TRIM23: variants seen among roughly 807,000 people sequenced by gnomAD.
TRIM23 encodes E3 ubiquitin-protein ligase TRIM23.
Under a neutral mutation model 71.0 loss-of-function variants are expected in TRIM23, and 27 were observed. The ratio of observed to expected loss-of-function variants is 0.38; its 90% CI spans 0.28 to 0.52. The LOEUF is 0.52. Ranked by LOEUF, TRIM23 falls within the 20% of genes least tolerant of loss-of-function variation. The pLI is 0.84. For synonymous variants in TRIM23, 234 were observed against 238.0 expected (o/e 0.98, Z 0.16); for missense variants, 482 against 692.3 (o/e 0.70, Z 3.41).
chr5:65,603,681 A>C (rs1224000164), intron 7 of TRIM23, among the ~76,000 whole-genome samples: 1 of 152,116 alleles, frequency 6.6e-6, no homozygotes, highest in African/African-American at 2.4e-5. Context: ...AATTGTGAAA[A>C]CATAATTAAA....
intron 2 of TRIM23, among the ~76,000 whole-genome samples, chr5:65,616,262 C>T (rs1445083125): frequency 1.3e-5 from 2 of 152,104 alleles, no homozygotes; most frequent in East Asian, 3.9e-4. Flanking sequence ...CAGTCTAGTT[C>T]CCTGTCATAA....
intron 7 of TRIM23, among the ~76,000 whole-genome samples, chr5:65,603,111 C>T (rs1442194757): frequency 6.6e-6 from 1 of 151,966 alleles, no homozygotes; most frequent in East Asian, 1.9e-4. Context: ...TAGTCAAATT[C>T]ATAAGGGAAA....
intron 7 of TRIM23, among the ~76,000 whole-genome samples, chr5:65,600,256 C>T (rs1754324612): frequency 6.6e-6 from 1 of 152,100 alleles, no homozygotes; most frequent in Admixed American, 6.6e-5. Flanking sequence ...TGGGCAGGAA[C>T]ATAGATCCAA....
At chr5:65,604,627 A>G (rs942185647) in intron 7 of TRIM23, 2 of 238,712 alleles carry the variant, frequency 8.4e-6, no homozygotes, top group Non-Finnish European at 1.6e-5. Flanking sequence ...TATATATACC[A>G]TTTATATTTT....
At chr5:65,621,832 A>AT (rs1232020000) in intron 1 of TRIM23, among the ~76,000 whole-genome samples, 5 of 151,304 alleles carry the variant, frequency 3.3e-5, no homozygotes, top group East Asian at 1.9e-4. Context: ...TATTATTATT[A>AT]TTATTTTTTT....
Position 65,591,393 on chromosome 5 carries a change from A to G in TRIM23, c.*376T>C. 3.2e-6 allele frequency: 5 copies of G among 1,567,620 alleles called. No homozygotes were observed. In the East Asian group the frequency reaches 9.6e-5, roughly 30 times the overall value. On this transcript the variant is annotated 3_prime_UTR_variant, in exon 11 of 11. Transcript: ENST00000231524. ...TTCACTTGCTTCACACAGAGGTCTC[A>G]TTAGGCACTCAATTGGCTATTCTTT...
chr5:65,597,254 C>G, intron 7 of TRIM23, 74 bp from the exon 8 acceptor site: 1 of 1,418,018 alleles, frequency 7.1e-7, no homozygotes, highest in Non-Finnish European at 9.8e-7. Flanking sequence ...TTTATTATTT[C>G]TACATCTCCT....
chr5:65,592,522 T>C (rs1390284710), intron 10 of TRIM23, among the ~76,000 whole-genome samples: 1 of 152,046 alleles, frequency 6.6e-6, no homozygotes, highest in Non-Finnish European at 1.5e-5. Context: ...CCACCACGCC[T>C]GGCCTGCCTA....
chr5:65,609,163 T>C, intron 6 of TRIM23, 80 bp downstream of exon 6: 1 of 1,419,294 alleles, frequency 7.0e-7, no homozygotes, highest in South Asian at 1.2e-5. Flanking sequence ...AAAATATTAA[T>C]AAAACACACT....
At chr5:65,619,790 T>C (rs964842156) in intron 1 of TRIM23, among the ~76,000 whole-genome samples, 3 of 152,022 alleles carry the variant, frequency 2.0e-5, no homozygotes, top group African/African-American at 4.8e-5. Context: ...ATAAGAAAAA[T>C]GCAAATTAAA....
intron 3 of TRIM23, 189 bp downstream of exon 3, chr5:65,613,909 G>A: frequency 6.7e-7 from 1 of 1,491,718 alleles, no homozygotes; most frequent in South Asian, 1.2e-5. Context: ...TTTAGGCATA[G>A]GATTTTCAAA....
At chr5:65,593,334 C>A (rs996854439) in intron 10 of TRIM23, among the ~76,000 whole-genome samples, 1 of 151,936 alleles carries the variant, frequency 6.6e-6, no homozygotes, top group African/African-American at 2.4e-5. Context: ...ACTTGGGAGG[C>A]TGAGGCAGAA....
At chr5:65,618,072 C>A in intron 2 of TRIM23, 21 bp downstream of exon 2, 2 of 1,566,950 alleles carry the variant, frequency 1.3e-6, no homozygotes, top group Non-Finnish European at 1.7e-6. Flanking sequence ...AATCTTAAAT[C>A]CATACAAATA....
chr5:65,593,791 C>T (rs1183239169), intron 10 of TRIM23, among the ~76,000 whole-genome samples: 1 of 152,194 alleles, frequency 6.6e-6, no homozygotes, highest in Non-Finnish European at 1.5e-5. Flanking sequence ...CTCCGCCTTT[C>T]TATTCCTCTA....
intron 10 of TRIM23, 109 bp downstream of exon 10, chr5:65,594,412 A>G (rs1406698668): frequency 1.3e-5 from 17 of 1,343,804 alleles, no homozygotes; most frequent in Non-Finnish European, 1.7e-5. Flanking sequence ...AAATACACAG[A>G]AGAAACTATA....
intron 6 of TRIM23, among the ~76,000 whole-genome samples, chr5:65,608,109 C>T (rs1314534842): frequency 6.6e-6 from 1 of 152,152 alleles, no homozygotes; most frequent in Non-Finnish European, 1.5e-5. Flanking sequence ...AATAACATAG[C>T]TACCACTTCC....
chr5:65,614,731 T>A (rs1039666868), intron 2 of TRIM23, among the ~76,000 whole-genome samples: 1 of 140,578 alleles, frequency 7.1e-6, no homozygotes, highest in African/African-American at 2.7e-5. Context: ...CAAGACTCTA[T>A]CTCAAAAAAA....
chr5:65,621,808 TTTATG>T (rs898804422), intron 1 of TRIM23, among the ~76,000 whole-genome samples: 12 of 151,860 alleles, frequency 7.9e-5, no homozygotes, highest in African/African-American at 2.9e-4. Flanking sequence ...GATATTTTAT[TTTATG>T]TTGTTATTTA....
intron 7 of TRIM23, among the ~76,000 whole-genome samples, chr5:65,599,548 T>C (rs1561743000): frequency 6.6e-6 from 1 of 152,152 alleles, no homozygotes; most frequent in Non-Finnish European, 1.5e-5. Flanking sequence ...CTAACCAAGA[T>C]GGTGAAAGAC....
Sources: gnomAD v4.1 joint callset for allele counts (sites outside exome capture counted in the v4.1 genomes callset) on GRCh38, gnomAD v4.1.1 for gene constraint, MANE v1.5 for transcripts, NCBI Gene and HGNC (gene_info 2026-07-23, HGNC 2026-07-21) for gene names.